Variants in NELL1 observed in about 807,000 individuals in gnomAD.
The protein encoded by NELL1 is neural EGFL like 1, also known as protein kinase C-binding protein NELL1.
A neutral mutation model predicts 107.4 loss-of-function variants in NELL1; 76 were observed. The observed-to-expected ratio is 0.71, with a 90% CI of 0.59 to 0.86. The LOEUF is 0.86. Ranked by LOEUF, NELL1 falls within the 40% of genes least tolerant of loss-of-function variation. The pLI is 0.00. For synonymous variants in NELL1, 353 were observed against 341.2 expected, an observed-to-expected ratio of 1.03 and a Z score of -0.38; for missense variants, 1,024 against 1,005.5, an observed-to-expected ratio of 1.02 and a Z score of -0.25.
At chr11:21,302,193 T>G (rs548906116) in intron 14 of NELL1, among the ~76,000 whole-genome samples, 3 of 152,160 alleles carry the variant, frequency 2.0e-5, no homozygotes, top group African/African-American at 7.2e-5. Context: ...TTCCATATGT[T>G]GTTGACTGGA....
rs115036572 is a variant in NELL1, at chr11:20,794,503, C to G, written c.335+10673C>G. 2.5e-3 allele frequency among the ~76,000 whole-genome samples: 385 copies of G among 152,114 alleles called. 1 individual carries two copies. The highest frequency in any genetic ancestry group is 8.7e-3 in the African/African-American group (361 of 41,492). ...ACATTGTACCAGACAAAGGTATTGC[C>G]CTGGGTGTGCTACACATGGGAGGCT... On this transcript the variant is annotated intron_variant, in intron 3 of 19. Transcript: ENST00000357134.
chr11:21,345,906 C>T (rs1052267947), intron 14 of NELL1, among the ~76,000 whole-genome samples: 9 of 152,168 alleles, frequency 5.9e-5, no homozygotes, highest in Non-Finnish European at 8.8e-5. Context: ...TCACAGTGTG[C>T]TTCTGCCTCA....
intron 16 of NELL1, among the ~76,000 whole-genome samples, chr11:21,535,603 G>A (rs901229197): frequency 1.6e-4 from 24 of 152,234 alleles, no homozygotes; most frequent in African/African-American, 5.3e-4. Context: ...TAAAAGTATG[G>A]ACTTTTGGAC....
chr11:21,026,247 A>C (rs144491965), intron 12 of NELL1, among the ~76,000 whole-genome samples: 2 of 152,190 alleles, frequency 1.3e-5, no homozygotes, highest in East Asian at 3.9e-4. Context: ...TGGAAGCCCT[A>C]CCTAGTGAGC....
intron 1 of NELL1, chr11:20,671,213 T>A (rs1035386155): frequency 6.6e-6 from 1 of 152,318 alleles, no homozygotes; most frequent in Non-Finnish European, 1.5e-5. Flanking sequence ...TTCAGGCCCA[T>A]CCGGATGGGT....
rs199539402 is a variant in NELL1 at position 21,229,466 on chromosome 11, G to T, written c.1549+12G>T. 6.2e-7 allele frequency: 1 copy of T among 1,613,212 alleles called. No individual in the cohort carries two copies. The highest frequency in any genetic ancestry group is 2.2e-5 in the East Asian group (1 of 44,764). ...GACCATCTGCAGAGGTAGGCTTGCC[G>T]CCTTAGTGTTGAGTTGTGAGCAGCC... is the stretch of plus-strand genomic sequence containing the variant. On this transcript the variant is annotated intron_variant, in intron 14 of 19. Coordinates refer to ENST00000357134, the MANE Select transcript of NELL1 (RefSeq NM_006157.5).
At chr11:21,270,024 G>A (rs531578091) in intron 14 of NELL1, among the ~76,000 whole-genome samples, 23 of 152,014 alleles carry the variant, frequency 1.5e-4, no homozygotes, top group South Asian at 4.1e-4. Context: ...AAACTCTGTG[G>A]CAATCGCTTT....
intron 13 of NELL1, among the ~76,000 whole-genome samples, chr11:21,187,375 A>G (rs1351453610): frequency 6.6e-6 from 1 of 151,834 alleles, no homozygotes; most frequent in African/African-American, 2.4e-5. Context: ...AAAAGGGTGG[A>G]AGATGGTGCT....
intron 12 of NELL1, among the ~76,000 whole-genome samples, chr11:21,080,211 A>G (rs1854233352): frequency 6.6e-6 from 1 of 152,036 alleles, no homozygotes; most frequent in African/African-American, 2.4e-5. Context: ...CTTTATTTTT[A>G]AAAAGCAATA....
At chr11:21,348,501 T>C (rs999324843) in intron 14 of NELL1, among the ~76,000 whole-genome samples, 2 of 152,230 alleles carry the variant, frequency 1.3e-5, no homozygotes, top group African/African-American at 2.4e-5. Flanking sequence ...TCATGAGCTA[T>C]ATAAATTTGA....
At chr11:20,810,251 G>T (rs1857471551) in intron 3 of NELL1, among the ~76,000 whole-genome samples, 1 of 151,942 alleles carries the variant, frequency 6.6e-6, no homozygotes, top group South Asian at 2.1e-4. Context: ...AGTTATTGGG[G>T]TACAGGTGGT....
Position 21,292,365 on chromosome 11 carries a change from T to C in NELL1, c.1549+62911T>C, listed in dbSNP as rs138040462. ...AGAATAAAATACCTAGGAATACAAC[T>C]TATGAGGGATGTGAAGGACCTCTTC... On this transcript the variant is annotated intron_variant, in intron 14 of 19. Transcript: ENST00000357134. Among the ~76,000 whole-genome samples the C allele has an allele frequency of 8.6e-3, 1,307 of 152,208 alleles. 24 individuals are homozygous for C. The highest frequency in any genetic ancestry group is 0.03 in the African/African-American group (1,244 of 41,530).
At chr11:21,453,529 G>A (rs1007043941) in intron 15 of NELL1, among the ~76,000 whole-genome samples, 10 of 151,538 alleles carry the variant, frequency 6.6e-5, no homozygotes, top group Non-Finnish European at 1.2e-4. Flanking sequence ...TATTTACATG[G>A]CTTACTTAAA....
intron 3 of NELL1, among the ~76,000 whole-genome samples, chr11:20,790,981 C>T (rs1445757018): frequency 6.6e-6 from 1 of 152,144 alleles, no homozygotes; most frequent in Non-Finnish European, 1.5e-5. Context: ...TTGATTATTG[C>T]AGTTTTGTAG....
At chr11:21,347,070 T>C (rs1007928906) in intron 14 of NELL1, among the ~76,000 whole-genome samples, 5 of 152,128 alleles carry the variant, frequency 3.3e-5, no homozygotes, top group South Asian at 2.1e-4. Context: ...TTGAACATCA[T>C]GGAGAGACAA....
At chr11:21,116,290 A>C (rs1315006085) in intron 13 of NELL1, among the ~76,000 whole-genome samples, 1 of 151,818 alleles carries the variant, frequency 6.6e-6, no homozygotes, top group African/African-American at 2.4e-5. Context: ...GTCCCCAGCT[A>C]TTCTTGTGCT....
In NELL1 at chr11:21,320,227, A is replaced by T. The variant is rs183298314; in HGVS notation, c.1550-50626A>T. 3.1e-3 allele frequency among the ~76,000 whole-genome samples: 474 copies of T among 152,266 alleles called. 4 individuals carry two copies. The highest frequency in any genetic ancestry group is 0.027 in the Middle Eastern group (8 of 294). On this transcript the variant is annotated intron_variant, in intron 14 of 19. Coordinates refer to ENST00000357134, the MANE Select transcript of NELL1 (RefSeq NM_006157.5). ...TCCTGTTCAAAGCAGATCTACTTGA[A>T]TGTGAGCCTGTGTCACTGTGTATTG...
At chr11:21,529,808 A>ACT (rs1855950482) in intron 15 of NELL1, among the ~76,000 whole-genome samples, 1 of 152,056 alleles carries the variant, frequency 6.6e-6, no homozygotes, top group South Asian at 2.1e-4. Context: ...TAATATCCAG[A>ACT]CTGTGCTTAA....
intron 14 of NELL1, among the ~76,000 whole-genome samples, chr11:21,267,241 TAATGTTACTTATAATAATATCATG>T (rs1005106707): frequency 2.6e-5 from 4 of 152,088 alleles, no homozygotes; most frequent in Admixed American, 2.6e-4. Flanking sequence ...GTGTGTGCAA[TAATGTTACTTATAATAATATCATG>T]AATAAATAGA....
Sources: gnomAD v4.1 joint callset for allele counts (sites outside exome capture counted in the v4.1 genomes callset) on GRCh38, gnomAD v4.1.1 for gene constraint, MANE v1.5 for transcripts, NCBI Gene and HGNC (gene_info 2026-07-23, HGNC 2026-07-21) for gene names.